Variants in GSTCD observed in about 807,000 individuals in gnomAD.
GSTCD encodes the protein glutathione S-transferase C-terminal domain containing.
GSTCD carries 44 observed loss-of-function variants against 68.3 expected under a neutral mutation model. The observed-to-expected ratio is 0.64, with a 90% CI of 0.51 to 0.83. The LOEUF (loss-of-function observed/expected upper bound fraction) is 0.83, where lower values mean the gene tolerates loss of function less well. Among genes scored for constraint, GSTCD ranks in the 40% least tolerant of loss-of-function variants. The pLI is 0.00. For synonymous variants in GSTCD, 273 were observed against 255.2 expected, an observed-to-expected ratio of 1.07 and a Z score of -0.67; for missense variants, 739 against 735.9, an observed-to-expected ratio of 1.00 and a Z score of -0.05.
chr4:105,740,160 A>G (rs1262632241), intron 5 of GSTCD, among the ~76,000 whole-genome samples: 1 of 152,042 alleles, frequency 6.6e-6, no homozygotes, highest in Non-Finnish European at 1.5e-5. Context: ...CGTAGGCCCC[A>G]GGGTGCAAGA....
rs149228185 is a variant in GSTCD, at chr4:105,793,827, C to A, written c.1241-29127C>A. ...CACCCTGACAGAGCTATGCTGTGAT[C>A]TTTTCAAGTTAGATTAAGGGCTCAC... On this transcript the variant is annotated intron_variant, in intron 5 of 11. Transcript: ENST00000515279. Among the ~76,000 whole-genome samples the A allele has an allele frequency of 4.6e-5, 7 of 152,106 alleles. No individual in the cohort carries two copies. In the East Asian group the frequency reaches 1.4e-3, roughly 29 times the overall value.
intron 5 of GSTCD, among the ~76,000 whole-genome samples, chr4:105,798,686 T>A (rs1409628389): frequency 6.6e-6 from 1 of 152,184 alleles, no homozygotes; most frequent in African/African-American, 2.4e-5. Context: ...GAGTAGTAAG[T>A]CTCAATAATG....
At chr4:105,730,316 A>C (rs930423313) in intron 5 of GSTCD, among the ~76,000 whole-genome samples, 34 of 152,218 alleles carry the variant, frequency 2.2e-4, no homozygotes, top group African/African-American at 8.0e-4. Context: ...AGGAATCACC[A>C]CACTGTCTTC....
intron 3 of GSTCD, among the ~76,000 whole-genome samples, chr4:105,723,535 G>A (rs1000290147): frequency 2.6e-5 from 4 of 151,772 alleles, no homozygotes; most frequent in Non-Finnish European, 4.4e-5. Context: ...AGGAGAGGAT[G>A]TGTATAGGTT....
intron 5 of GSTCD, among the ~76,000 whole-genome samples, chr4:105,799,841 G>T (rs1346087380): frequency 1.3e-5 from 2 of 149,908 alleles, no homozygotes; most frequent in African/African-American, 4.9e-5. Flanking sequence ...TCTTCATTTT[G>T]TAAAAAACAC....
chr4:105,814,728 T>G (rs1055692040), intron 5 of GSTCD, among the ~76,000 whole-genome samples: 2 of 152,218 alleles, frequency 1.3e-5, no homozygotes, highest in African/African-American at 4.8e-5. Flanking sequence ...GAGTCCTTTT[T>G]GAATACTAAT....
At chr4:105,808,885 A>T (rs888480531) in intron 5 of GSTCD, among the ~76,000 whole-genome samples, 5 of 152,064 alleles carry the variant, frequency 3.3e-5, no homozygotes, top group African/African-American at 1.2e-4. Context: ...TACTAGCCTG[A>T]TGGTCACTTA....
intron 5 of GSTCD, among the ~76,000 whole-genome samples, chr4:105,818,843 A>G (rs1723136687): frequency 6.6e-6 from 1 of 151,760 alleles, no homozygotes; most frequent in Non-Finnish European, 1.5e-5. Flanking sequence ...AATGAGTTCA[A>G]TTGATTCCAT....
At chr4:105,747,346 G>C (rs1733840500) in intron 5 of GSTCD, among the ~76,000 whole-genome samples, 1 of 152,232 alleles carries the variant, frequency 6.6e-6, no homozygotes, top group African/African-American at 2.4e-5. Context: ...TGGAAGGCTT[G>C]TTAAATCAGA....
At chr4:105,786,592 GC>G (rs1560828397) in intron 5 of GSTCD, among the ~76,000 whole-genome samples, 1 of 148,142 alleles carries the variant, frequency 6.8e-6, no homozygotes. Context: ...CAAATTATAT[GC>G]CTGATAAGAA....
At chr4:105,747,739 T>A (rs1733853453) in intron 5 of GSTCD, among the ~76,000 whole-genome samples, 1 of 152,096 alleles carries the variant, frequency 6.6e-6, no homozygotes, top group East Asian at 1.9e-4. Context: ...TAAATAAAAA[T>A]AATGGTCTCC....
chr4:105,790,972 G>A lies in GSTCD; in HGVS notation c.1241-31982G>A, dbSNP rs372444596. On this transcript the variant is annotated intron_variant, in intron 5 of 11. Coordinates refer to ENST00000515279, the MANE Select transcript of GSTCD (RefSeq NM_001370181.1). ...TCTAGCAAACAATGAGTTGTTAAAC[G>A]CCTCTACTTAAGAACCACTTTCTCA... 2.0e-4 allele frequency among the ~76,000 whole-genome samples: 31 copies of A among 152,016 alleles called. No homozygotes were observed. In the East Asian group the frequency reaches 4.8e-3, roughly 24 times the overall value.
At chr4:105,727,735 G>A (rs1733090275) in intron 4 of GSTCD, among the ~76,000 whole-genome samples, 1 of 149,896 alleles carries the variant, frequency 6.7e-6, no homozygotes, top group African/African-American at 2.4e-5. Context: ...TTCTCCTTGG[G>A]GCATAGTTTG....
intron 5 of GSTCD, among the ~76,000 whole-genome samples, chr4:105,758,891 T>C (rs1432467069): frequency 6.6e-6 from 1 of 152,218 alleles, no homozygotes; most frequent in Admixed American, 6.5e-5. Context: ...CTCATTGTTT[T>C]ATTTTGTATT....
At chr4:105,781,943 T>C (rs948696381) in intron 5 of GSTCD, among the ~76,000 whole-genome samples, 3 of 152,116 alleles carry the variant, frequency 2.0e-5, no homozygotes, top group Non-Finnish European at 2.9e-5. Flanking sequence ...AGTTCGTATT[T>C]TGAAGCCCAG....
At chr4:105,799,525 T>C (rs1351520887) in intron 5 of GSTCD, among the ~76,000 whole-genome samples, 1 of 152,044 alleles carries the variant, frequency 6.6e-6, no homozygotes, top group Non-Finnish European at 1.5e-5. Flanking sequence ...TCTTAGGAAA[T>C]AGGGATGCCC....
At position 105,726,687 on chromosome 4, in the gene GSTCD, T is replaced by C. The variant is rs773440373; in HGVS notation, c.1003T>C (p.Cys335Arg). 1.2e-6 allele frequency: 2 copies of C among 1,613,946 alleles called. No homozygotes were observed. The highest frequency in any genetic ancestry group is 8.5e-7 in the Non-Finnish European group (1 of 1,179,924). The change falls in exon 4 of 12, where the codon TGT becomes CGT. Residue 335 changes from cysteine (C) to arginine (R), a missense_variant. Cys to Arg is a radical substitution (Grantham distance 180). Coordinates refer to ENST00000515279, the MANE Select transcript of GSTCD (RefSeq NM_001370181.1). ...AGGAGTAAAAACAGCAGCTTCTAAGTGTGGGATCCAATTTCTCCATTTACC... is the reference window on the plus strand; with the variant it reads ...AGGAGTAAAAACAGCAGCTTCTAAGCGTGGGATCCAATTTCTCCATTTACC... ...VPGVKTAASK[C>R]GIQFLHLPKL... is the part of the protein sequence containing the mutation.
chr4:105,829,377 G>C (rs1426805411), intron 8 of GSTCD, among the ~76,000 whole-genome samples: 1 of 152,106 alleles, frequency 6.6e-6, no homozygotes, highest in Non-Finnish European at 1.5e-5. Context: ...ATGGAAGATA[G>C]AGACCTGTAT....
chr4:105,821,145 C>T (rs532093952), intron 5 of GSTCD: 1 of 151,942 alleles, frequency 6.6e-6, no homozygotes, highest in South Asian at 2.1e-4. Context: ...CTTCTGACAC[C>T]TCCTTTCCTC....
Sources: gnomAD v4.1 joint callset for allele counts (sites outside exome capture counted in the v4.1 genomes callset) on GRCh38, gnomAD v4.1.1 for gene constraint, MANE v1.5 for transcripts, NCBI Gene and HGNC (gene_info 2026-07-23, HGNC 2026-07-21) for gene names.